NRCAM: variants seen among roughly 807,000 people sequenced by gnomAD.
NRCAM encodes the protein NgCAM-related cell adhesion molecule.
NRCAM carries 83 observed loss-of-function variants against 156.5 expected under a neutral mutation model. The observed-to-expected ratio is 0.53, with a 90% CI of 0.44 to 0.64. The LOEUF (loss-of-function observed/expected upper bound fraction) is 0.64, where lower values mean the gene tolerates loss of function less well. NRCAM is among the 30% of genes least tolerant of loss of function. The pLI, the probability that NRCAM is intolerant of heterozygous loss-of-function variation, is 0.00. For synonymous variants in NRCAM, 538 were observed against 563.9 expected (o/e 0.95, Z 0.65); for missense variants, 1,417 against 1,597.3 (o/e 0.89, Z 1.92).
intron 10 of NRCAM, among the ~76,000 whole-genome samples, chr7:108,224,224 ACTGT>A (rs542186643): frequency 3.8e-4 from 58 of 152,256 alleles, no homozygotes; most frequent in Middle Eastern, 3.4e-3. Context: ...GCAAAAATTA[ACTGT>A]CTATCTTCTG....
At chr7:108,432,529 G>C (rs1826584115) in intron 1 of NRCAM, among the ~76,000 whole-genome samples, 2 of 152,192 alleles carry the variant, frequency 1.3e-5, no homozygotes, top group Admixed American at 1.3e-4. Flanking sequence ...GACATACTTT[G>C]AGTATTTAGT....
intron 3 of NRCAM, among the ~76,000 whole-genome samples, chr7:108,281,999 C>T (rs1380442763): frequency 6.6e-6 from 1 of 152,142 alleles, no homozygotes; most frequent in Non-Finnish European, 1.5e-5. Context: ...TATGTCATTG[C>T]CCCCTGTGAG....
intron 1 of NRCAM, among the ~76,000 whole-genome samples, chr7:108,441,201 A>T (rs184108720): frequency 4.7e-4 from 71 of 152,270 alleles, no homozygotes; most frequent in African/African-American, 1.6e-3. Flanking sequence ...TGAAAAATAA[A>T]TTTTTTTCCT....
Position 108,181,883 on chromosome 7 carries a change from G to C in NRCAM, c.2585C>G (p.Ala862Gly). The C allele has an allele frequency of 6.2e-7, 1 of 1,614,138 alleles. No individual in the cohort carries two copies. The highest frequency in any genetic ancestry group is 1.1e-5 in the South Asian group (1 of 91,074). Residue 862 changes from alanine (A) to glycine (G), a missense_variant, in exon 24 of 33, where the codon GCC (alanine) becomes GGC (glycine). By Grantham distance (60) the Ala-to-Gly change is moderately conservative. Around this residue, in one of 2 missense-constraint regions of NRCAM, gnomAD observed 1,238 missense variants for 1,336.4 expected, o/e 0.93. Transcript: ENST00000379028. ...VRVNVVNSTL[A>G]EVHWDPVPLK... ...AGGTACTGGGTCCCAGTGCACCTCG[G>C]CTAAGGTACTGTTCACCACATTCAC...
chr7:108,208,294 G>A (rs1008750311), intron 12 of NRCAM, among the ~76,000 whole-genome samples: 1 of 151,992 alleles, frequency 6.6e-6, no homozygotes, highest in African/African-American at 2.4e-5. Context: ...AACAGAGCGA[G>A]ACTCCAACTC....
chr7:108,347,833 G>T (rs2154286795), intron 2 of NRCAM, among the ~76,000 whole-genome samples: 1 of 152,244 alleles, frequency 6.6e-6, no homozygotes, highest in Middle Eastern at 3.4e-3. Context: ...ACCTGTCTTT[G>T]GTTGAGCTCA....
chr7:108,189,134 T>C (rs2069360622), intron 20 of NRCAM, among the ~76,000 whole-genome samples: 1 of 152,124 alleles, frequency 6.6e-6, no homozygotes, highest in Non-Finnish European at 1.5e-5. Context: ...ATGGGCAACT[T>C]TGTAGCAGGG....
intron 1 of NRCAM, among the ~76,000 whole-genome samples, chr7:108,409,530 G>A (rs557716085): frequency 6.6e-6 from 1 of 152,090 alleles, no homozygotes; most frequent in South Asian, 2.1e-4. Context: ...TTTTCACCCC[G>A]GTGCCATCTC....
intron 30 of NRCAM, among the ~76,000 whole-genome samples, chr7:108,164,135 G>A (rs111515019): frequency 5.5e-4 from 67 of 121,868 alleles, no homozygotes; most frequent in African/African-American, 1.0e-3. Flanking sequence ...AGGTCATACC[G>A]GGTGGGGTGG....
At chr7:108,181,337 A>G (rs2153311511) in intron 24 of NRCAM, among the ~76,000 whole-genome samples, 1 of 152,154 alleles carries the variant, frequency 6.6e-6, no homozygotes, top group Middle Eastern at 3.4e-3. Flanking sequence ...AAGATAATGG[A>G]TATTTATCTT....
chr7:108,427,836 ATCTTGC>A (rs1299695165), intron 1 of NRCAM, among the ~76,000 whole-genome samples: 4 of 152,202 alleles, frequency 2.6e-5, no homozygotes, highest in African/African-American at 9.7e-5. Context: ...AGTTATTTCA[ATCTTGC>A]TCTTGATTCA....
rs34899360 is a variant in NRCAM, at chr7:108,181,615, CT to C, written c.2646+206del. Among the ~76,000 whole-genome samples the C allele has an allele frequency of 3.4e-3, 508 of 148,462 alleles. 1 individual carries two copies. Among genetic ancestry groups the C allele is most frequent in the Non-Finnish European group, 5.5e-3 (371 of 67,244 alleles). ...TCATCAGTGGGAAAAATGGAGAAAA[CT>C]TTTTTTTTTTTTAATTTTGGATGCA... On this transcript the variant is annotated intron_variant, in intron 24 of 32. Coordinates refer to ENST00000379028, the MANE Select transcript of NRCAM (RefSeq NM_001037132.4).
At chr7:108,267,297 A>G (rs541114409) in intron 3 of NRCAM, among the ~76,000 whole-genome samples, 3 of 152,366 alleles carry the variant, frequency 2.0e-5, no homozygotes, top group African/African-American at 4.8e-5. Flanking sequence ...GATTAGAACT[A>G]TAGAGAATTT....
chr7:108,184,390 C>A lies in NRCAM; in HGVS notation c.2233+27G>T, dbSNP rs745769994. 18 of 1,613,696 alleles carry A rather than the reference C, an allele frequency of 1.1e-5. No homozygotes were observed. The African/African-American group carries it at 2.1e-4, about 19-fold the overall frequency. The stretch of plus-strand genomic sequence containing the variant: ...AAAACTTTTTTATTATATTTCGTAC[C>A]CTAGAAGTCCCGCTTTCCCGCTTTA... On this transcript the variant is annotated intron_variant, in intron 21 of 32. Transcript: ENST00000379028.
chr7:108,150,930 AC>A (rs2041157291), intron 32 of NRCAM, among the ~76,000 whole-genome samples: 1 of 152,078 alleles, frequency 6.6e-6, no homozygotes, highest in South Asian at 2.1e-4. Flanking sequence ...AATGTGAATG[AC>A]TCCAAACATG....
chr7:108,250,582 T>C (rs948432897), intron 3 of NRCAM, among the ~76,000 whole-genome samples: 5 of 151,250 alleles, frequency 3.3e-5, no homozygotes, highest in African/African-American at 1.2e-4. Flanking sequence ...AGCAGAAGAA[T>C]GGTCACCCGA....
chr7:108,316,893 G>A (rs1016433306), intron 2 of NRCAM, among the ~76,000 whole-genome samples: 3 of 152,182 alleles, frequency 2.0e-5, no homozygotes, highest in Admixed American at 6.5e-5. Context: ...CATGGCTGTG[G>A]AGAAGAAGTT....
At chr7:108,447,543 T>C (rs1845830117) in intron 1 of NRCAM, among the ~76,000 whole-genome samples, 1 of 151,820 alleles carries the variant, frequency 6.6e-6, no homozygotes, top group Non-Finnish European at 1.5e-5. Flanking sequence ...GTGCTGGAAC[T>C]ACAGGTGTGA....
At chr7:108,158,470 A>G (rs73412322) in intron 32 of NRCAM, among the ~76,000 whole-genome samples, 2,159 of 152,268 alleles carry the variant, frequency 0.014, 58 homozygotes, top group African/African-American at 0.05. Flanking sequence ...TATTGACATG[A>G]TAGTGACATG....
Sources: gnomAD v4.1 joint callset for allele counts (sites outside exome capture counted in the v4.1 genomes callset) on GRCh38, gnomAD v4.1.1 for gene constraint, gnomAD v4.1.1 regional missense constraint, MANE v1.5 for transcripts, NCBI Gene and HGNC (gene_info 2026-07-23, HGNC 2026-07-21) for gene names.